DLGAP2: variants seen among roughly 807,000 people sequenced by gnomAD.
DLGAP2 encodes the protein DLG associated protein 2.
Under a neutral mutation model 100.3 loss-of-function variants are expected in DLGAP2, and 26 were observed. The observed-to-expected ratio is 0.26, with a 90% CI of 0.19 to 0.36. DLGAP2 has a LOEUF of 0.36. Among genes scored for constraint, DLGAP2 ranks in the 10% least tolerant of loss-of-function variants. DLGAP2 has a pLI of 1.00. For synonymous variants in DLGAP2, 886 were observed against 630.1 expected (o/e 1.41, Z -6.08); for missense variants, 1,858 against 1,453.2 (o/e 1.28, Z -4.53).
chr8:1,549,715 C>G, intron 5 of DLGAP2, 32 bp downstream of exon 5: 1 of 1,504,256 alleles, frequency 6.6e-7, no homozygotes, highest in South Asian at 1.2e-5. Context: ...TGGAGGCCGT[C>G]TCGGCACAGC....
At chr8:1,133,329 G>T (rs1246943626) in intron 2 of DLGAP2, among the ~76,000 whole-genome samples, 9 of 152,104 alleles carry the variant, frequency 5.9e-5, no homozygotes, top group South Asian at 2.1e-4. Context: ...AGAAGATTAT[G>T]ATTAGAAAAT....
chr8:1,699,092 CA>C (rs1799496938), intron 14 of DLGAP2, among the ~76,000 whole-genome samples: 1 of 152,238 alleles, frequency 6.6e-6, no homozygotes, highest in African/African-American at 2.4e-5. Flanking sequence ...GAAGGCTGTT[CA>C]AACGGAACGT....
chr8:852,025 TC>T (rs1371200991), intron 1 of DLGAP2, among the ~76,000 whole-genome samples: 1 of 152,140 alleles, frequency 6.6e-6, no homozygotes, highest in East Asian at 1.9e-4. Context: ...AAACCCAAGC[TC>T]CCACCTGCCC....
chr8:1,127,498 G>T (rs1796195352), intron 2 of DLGAP2, among the ~76,000 whole-genome samples: 2 of 152,146 alleles, frequency 1.3e-5, no homozygotes, highest in African/African-American at 4.8e-5. Flanking sequence ...GGAGGGTGCT[G>T]TGGCTCCCAG....
intron 1 of DLGAP2, among the ~76,000 whole-genome samples, chr8:791,859 C>T (rs1186634402): frequency 6.6e-6 from 1 of 152,186 alleles, no homozygotes; most frequent in Non-Finnish European, 1.5e-5. Context: ...TCTCCACACA[C>T]ATGCACTGTT....
intron 2 of DLGAP2, among the ~76,000 whole-genome samples, chr8:1,170,883 T>C (rs1447226840): frequency 6.8e-6 from 1 of 147,922 alleles, no homozygotes; most frequent in African/African-American, 2.5e-5. Context: ...CTCTATTTCC[T>C]TCAGTTCTGC....
intron 2 of DLGAP2, among the ~76,000 whole-genome samples, chr8:1,215,027 C>G (rs11992199): frequency 0.017 from 2,568 of 152,230 alleles, 79 homozygotes; most frequent in African/African-American, 0.059. Context: ...GTGTCTAAGT[C>G]TCATGGAAAT....
At chr8:1,688,850 C>T (rs774701273) in intron 12 of DLGAP2, among the ~76,000 whole-genome samples, 3 of 152,288 alleles carry the variant, frequency 2.0e-5, no homozygotes, top group East Asian at 1.9e-4. Flanking sequence ...TGGGTCACGG[C>T]GTGCCATAAG....
chr8:1,218,273 A>G (rs1309042973), intron 2 of DLGAP2, among the ~76,000 whole-genome samples: 6 of 152,132 alleles, frequency 3.9e-5, no homozygotes, highest in African/African-American at 1.4e-4. Flanking sequence ...TATATGGTAA[A>G]AGGAAGTGGC....
chr8:1,702,624 A>C lies in DLGAP2; in HGVS notation c.*1218A>C, dbSNP rs1335071843. 2.0e-5 allele frequency: 3 copies of C among 152,518 alleles called. No individual in the cohort carries two copies. Among genetic ancestry groups the C allele is most frequent in the African/African-American group, 7.2e-5 (3 of 41,464 alleles). The allele number at this position is 152,518 out of a possible 1,614,324, so 9.4% of individuals were successfully genotyped here. ...TGATTTCCAGCTGTAGCATTCAAAA[A>C]AAAAATTGGTGTTCATGACTCTGTG... On this transcript the variant is annotated 3_prime_UTR_variant, in exon 15 of 15. Coordinates refer to ENST00000637795, the MANE Select transcript of DLGAP2 (RefSeq NM_001346810.2).
chr8:1,206,480 A>G (rs1478504037), intron 2 of DLGAP2, among the ~76,000 whole-genome samples: 1 of 150,674 alleles, frequency 6.6e-6, no homozygotes, highest in East Asian at 1.9e-4. Flanking sequence ...ATCTCCAGCC[A>G]TCCGTGGGCG....
chr8:814,745 C>G (rs190494784), intron 1 of DLGAP2, among the ~76,000 whole-genome samples: 2 of 143,146 alleles, frequency 1.4e-5, no homozygotes, highest in African/African-American at 5.2e-5. Flanking sequence ...CCCAGCTACT[C>G]GGGAGGCTGA....
chr8:1,603,985 C>G (rs933849933), intron 6 of DLGAP2, among the ~76,000 whole-genome samples: 23 of 152,262 alleles, frequency 1.5e-4, no homozygotes, highest in African/African-American at 4.8e-4. Context: ...CCAGCCACCG[C>G]GTCGGCACCT....
chr8:970,425 T>G (rs1799983954), intron 2 of DLGAP2, among the ~76,000 whole-genome samples: 1 of 152,210 alleles, frequency 6.6e-6, no homozygotes, highest in Non-Finnish European at 1.5e-5. Context: ...CTGATCAACG[T>G]TTATCAGCCC....
At chr8:1,143,686 C>T (rs567391583) in intron 2 of DLGAP2, among the ~76,000 whole-genome samples, 92 of 152,314 alleles carry the variant, frequency 6.0e-4, no homozygotes, top group African/African-American at 2.0e-3. Context: ...ATTTGGCCCA[C>T]GGATGCTACA....
chr8:1,527,112 T>C (rs1354258936), intron 4 of DLGAP2, among the ~76,000 whole-genome samples: 1 of 152,204 alleles, frequency 6.6e-6, no homozygotes, highest in Non-Finnish European at 1.5e-5. Context: ...CTTCACATCG[T>C]CTACACCGCG....
chr8:1,237,599 A>G (rs1226065272), intron 2 of DLGAP2, among the ~76,000 whole-genome samples: 5 of 144,608 alleles, frequency 3.5e-5, no homozygotes, highest in East Asian at 2.2e-4. Context: ...GTTCTCTCAC[A>G]TGGCGCCGTG....
intron 3 of DLGAP2, among the ~76,000 whole-genome samples, chr8:1,348,844 T>C (rs543143369): frequency 1.3e-5 from 2 of 152,322 alleles, no homozygotes; most frequent in Admixed American, 6.5e-5. Context: ...CCACCTCACG[T>C]TGGCTGCTTC....
intron 1 of DLGAP2, among the ~76,000 whole-genome samples, chr8:747,397 G>A (rs1400104474): frequency 6.6e-6 from 1 of 151,864 alleles, no homozygotes; most frequent in Non-Finnish European, 1.5e-5. Flanking sequence ...TTCTCCGCCG[G>A]GCCTCGCTTA....
Sources: gnomAD v4.1 joint callset for allele counts (sites outside exome capture counted in the v4.1 genomes callset) on GRCh38, gnomAD v4.1.1 for gene constraint, MANE v1.5 for transcripts, NCBI Gene and HGNC (gene_info 2026-07-23, HGNC 2026-07-21) for gene names.